SEMA3A: variants seen among roughly 807,000 people sequenced by gnomAD.
SEMA3A encodes semaphorin-3A.
A neutral mutation model predicts 97.9 loss-of-function variants in SEMA3A; 29 were observed. The observed-to-expected ratio is 0.30, with a 90% CI of 0.22 to 0.40. SEMA3A has a LOEUF of 0.40. SEMA3A is among the 10% of genes least tolerant of loss of function. The probability of loss-of-function intolerance (pLI) is 1.00; values close to 1 mark genes in which losing one functional copy is unlikely to be tolerated. For synonymous variants in SEMA3A, 321 were observed against 323.7 expected, an observed-to-expected ratio of 0.99 and a Z score of 0.09; for missense variants, 763 against 951.3, an observed-to-expected ratio of 0.80 and a Z score of 2.60.
At chr7:84,299,338 A>ACC (rs1800948738) in intron 3 of SEMA3A, among the ~76,000 whole-genome samples, 1 of 112,974 alleles carries the variant, frequency 8.9e-6, no homozygotes, top group Non-Finnish European at 1.8e-5. Context: ...ATATATATGT[A>ACC]TCTCTCTCTC....
chr7:84,086,793 A>T (rs13233499), intron 4 of SEMA3A, among the ~76,000 whole-genome samples: 11 of 150,364 alleles, frequency 7.3e-5, no homozygotes, highest in African/African-American at 2.7e-4. Context: ...TACATCAGCT[A>T]GGTTTTTGCC....
At chr7:84,316,753 AT>A (rs112551584) in intron 2 of SEMA3A, among the ~76,000 whole-genome samples, 5 of 151,588 alleles carry the variant, frequency 3.3e-5, no homozygotes, top group African/African-American at 7.3e-5. Context: ...CCAGAAGCAG[AT>A]TTTTTTTTCC....
intron 3 of SEMA3A, among the ~76,000 whole-genome samples, chr7:84,258,435 C>T (rs1799765593): frequency 6.6e-6 from 1 of 152,022 alleles, no homozygotes; most frequent in Non-Finnish European, 1.5e-5. Flanking sequence ...GAAAATGTGA[C>T]ATAGTAATCC....
chr7:84,359,692 G>A (rs1802660676), intron 2 of SEMA3A, among the ~76,000 whole-genome samples: 1 of 152,096 alleles, frequency 6.6e-6, no homozygotes, highest in Non-Finnish European at 1.5e-5. Context: ...TCTATTGATT[G>A]GAATAGTTTC....
intron 4 of SEMA3A, among the ~76,000 whole-genome samples, chr7:84,096,819 T>C (rs530955741): frequency 3.9e-5 from 6 of 152,100 alleles, no homozygotes; most frequent in African/African-American, 1.4e-4. Context: ...AAAATTGAGA[T>C]ATTTTGCTTA....
At chr7:84,172,071 TGA>T (rs1797398728) in intron 1 of SEMA3A, among the ~76,000 whole-genome samples, 1 of 152,324 alleles carries the variant, frequency 6.6e-6, no homozygotes. Context: ...CTATAATTTG[TGA>T]GTTAACTGAT....
chr7:84,077,485 A>C (rs1793995495), intron 4 of SEMA3A, among the ~76,000 whole-genome samples: 1 of 152,062 alleles, frequency 6.6e-6, no homozygotes, highest in Non-Finnish European at 1.5e-5. Context: ...ATTGGAATCT[A>C]GTCATATGGT....
At chr7:84,399,894 T>A (rs1803851920) in intron 1 of SEMA3A, among the ~76,000 whole-genome samples, 1 of 151,312 alleles carries the variant, frequency 6.6e-6, no homozygotes, top group Admixed American at 6.6e-5. Flanking sequence ...ATTGCTAACA[T>A]CACCCCTCCC....
chr7:84,106,980 A>G (rs1200748935), intron 4 of SEMA3A, among the ~76,000 whole-genome samples: 1 of 152,192 alleles, frequency 6.6e-6, no homozygotes, highest in African/African-American at 2.4e-5. Context: ...TTCACATTGC[A>G]TGGGGCAGGT....
chr7:84,060,596 TA>T, intron 4 of SEMA3A, 38 bp from the exon 5 acceptor site: 1 of 1,387,418 alleles, frequency 7.2e-7, no homozygotes, highest in Non-Finnish European at 9.8e-7. Flanking sequence ...GGGTTTCCTT[TA>T]TATATAAAAA....
At chr7:84,197,649 T>A (rs979673374), upstream of SEMA3A, among the ~76,000 whole-genome samples, 1 of 151,364 alleles carries the variant, frequency 6.6e-6, no homozygotes, top group Middle Eastern at 3.5e-3. Flanking sequence ...TGGGTGGACC[T>A]GGATGGGCGG....
chr7:84,066,173 A>C (rs974833276), intron 4 of SEMA3A, among the ~76,000 whole-genome samples: 1 of 152,006 alleles, frequency 6.6e-6, no homozygotes, highest in African/African-American at 2.4e-5. Context: ...CAAAAACCAC[A>C]TGATTATCGC....
intron 1 of SEMA3A, among the ~76,000 whole-genome samples, chr7:84,177,594 T>C (rs1451009508): frequency 2.0e-5 from 3 of 152,162 alleles, no homozygotes; most frequent in African/African-American, 7.2e-5. Context: ...TTATAAAGTA[T>C]ATTGAGAAAA....
At chr7:84,348,595 G>T (rs1162733550) in intron 2 of SEMA3A, among the ~76,000 whole-genome samples, 1 of 152,156 alleles carries the variant, frequency 6.6e-6, no homozygotes, top group East Asian at 1.9e-4. Context: ...TTCAAGAAAA[G>T]AACTAAATAT....
At chr7:84,007,163 T>G (rs559704961) in intron 10 of SEMA3A, among the ~76,000 whole-genome samples, 190 bp downstream of exon 10, 1 of 152,230 alleles carries the variant, frequency 6.6e-6, no homozygotes, top group Non-Finnish European at 1.5e-5. Context: ...AACTGACATC[T>G]GTAAAGAACA....
At chr7:84,336,667 A>G (rs1354960808) in intron 2 of SEMA3A, among the ~76,000 whole-genome samples, 2 of 152,180 alleles carry the variant, frequency 1.3e-5, no homozygotes, top group Non-Finnish European at 2.9e-5. Context: ...ATGCCTTGTT[A>G]TCAGTACAGG....
chr7:84,017,915 AT>A (rs2116430977), intron 6 of SEMA3A, among the ~76,000 whole-genome samples: 1 of 151,952 alleles, frequency 6.6e-6, no homozygotes, highest in East Asian at 1.9e-4. Context: ...AAATCCCCAG[AT>A]TTTTTTCCCT....
intron 2 of SEMA3A, among the ~76,000 whole-genome samples, chr7:84,358,302 T>C (rs890884977): frequency 1.3e-5 from 2 of 152,208 alleles, no homozygotes; most frequent in African/African-American, 4.8e-5. Context: ...CCATCTTGAA[T>C]TAATTTTTGT....
rs1240319886 is a variant in SEMA3A, at chr7:84,133,873, A to C, written c.270+921T>G. On this transcript the variant is annotated intron_variant, in intron 2 of 16. Coordinates refer to ENST00000265362, the MANE Select transcript of SEMA3A (RefSeq NM_006080.3). ...AGACCATCCTGGCTAACACGGTGAA[A>C]CCTCGTCTCTACTAAAAAAAAAAAA... is the stretch of plus-strand genomic sequence containing the variant. 5.5e-5 allele frequency among the ~76,000 whole-genome samples: 8 copies of C among 144,606 alleles called. No homozygotes were observed. The East Asian group carries it at 1.6e-3, about 29-fold the overall frequency. 94.9% of individuals were successfully genotyped at this position (144,606 alleles called of 152,430 possible).
Sources: allele counts gnomAD v4.1 joint callset (sites outside exome capture counted in the v4.1 genomes callset), GRCh38; gene constraint gnomAD v4.1.1; transcripts MANE v1.5; gene names NCBI Gene and HGNC (gene_info 2026-07-23, HGNC 2026-07-21).